Variants in NPAS3 observed in about 807,000 individuals in gnomAD.
NPAS3 encodes neuronal PAS domain protein 3.
NPAS3 carries 14 observed loss-of-function variants against 73.1 expected under a neutral mutation model. The ratio of observed to expected loss-of-function variants is 0.19; its 90% CI spans 0.13 to 0.30. NPAS3 has a LOEUF of 0.30. NPAS3 is among the 10% of genes least tolerant of loss of function. The probability of loss-of-function intolerance (pLI) is 1.00; values close to 1 mark genes in which losing one functional copy is unlikely to be tolerated. For synonymous variants in NPAS3, 620 were observed against 541.5 expected, an observed-to-expected ratio of 1.14 and a Z score of -2.01; for missense variants, 1,096 against 1,250.0, an observed-to-expected ratio of 0.88 and a Z score of 1.86.
rs561311005 is a variant in NPAS3 at position 33,774,229 on chromosome 14, A to T, written c.853-108A>T. ...CAGCCATTATGATTACAGAAGATAC[A>T]AGCTAATGTTGGTTGTTCCAGATGT... On this transcript the variant is annotated intron_variant, in intron 7 of 11. Coordinates refer to ENST00000356141, the Ensembl canonical transcript of NPAS3. 8.8e-5 allele frequency: 68 copies of T among 776,188 alleles called. No homozygotes were observed. The South Asian group carries it at 1.2e-3, about 14-fold the overall frequency. 48.1% of individuals were successfully genotyped at this position (776,188 alleles called of 1,614,324 possible). A position where few individuals can be genotyped will look rare whatever the true frequency, so the allele number is the denominator to read the frequency against.
intron 4 of NPAS3, among the ~76,000 whole-genome samples, chr14:33,412,262 G>T (rs370602832): frequency 6.6e-6 from 1 of 151,930 alleles, no homozygotes; most frequent in Admixed American, 6.6e-5. Flanking sequence ...GGGACTACAG[G>T]TGTGAACCAC....
At chr14:33,106,117 A>T (rs1456921049) in intron 2 of NPAS3, among the ~76,000 whole-genome samples, 1 of 152,148 alleles carries the variant, frequency 6.6e-6, no homozygotes, top group African/African-American at 2.4e-5. Context: ...AAAGCTCCAA[A>T]TTCTTAGGAA....
intron 4 of NPAS3, among the ~76,000 whole-genome samples, chr14:33,546,907 A>G (rs2054871752): frequency 6.6e-6 from 1 of 152,198 alleles, no homozygotes; most frequent in African/African-American, 2.4e-5. Context: ...CTTGTGGGTC[A>G]TGTCTGTGTG....
intron 3 of NPAS3, among the ~76,000 whole-genome samples, chr14:33,351,113 A>G (rs895258366): frequency 2.0e-5 from 3 of 152,228 alleles, no homozygotes; most frequent in Admixed American, 6.5e-5. Flanking sequence ...GTCAAAATGT[A>G]GTTTTAAAAA....
intron 3 of NPAS3, among the ~76,000 whole-genome samples, chr14:33,304,594 G>A (rs912940222): frequency 1.3e-5 from 2 of 151,382 alleles, no homozygotes; most frequent in African/African-American, 4.9e-5. Flanking sequence ...GTTTCCTTAG[G>A]GCTACATATG....
chr14:33,229,460 G>A (rs2047760569), intron 3 of NPAS3, among the ~76,000 whole-genome samples: 1 of 152,140 alleles, frequency 6.6e-6, no homozygotes, highest in African/African-American at 2.4e-5. Context: ...TGCTACTGAG[G>A]CAGGGCTCAG....
intron 1 of NPAS3, among the ~76,000 whole-genome samples, chr14:33,053,398 A>G (rs1018155040): frequency 6.6e-6 from 1 of 152,190 alleles, no homozygotes; most frequent in African/African-American, 2.4e-5. Context: ...ATGTATGTAA[A>G]TGCACTTAAG....
At chr14:33,464,309 AT>A (rs979238019) in intron 4 of NPAS3, among the ~76,000 whole-genome samples, 5 of 151,904 alleles carry the variant, frequency 3.3e-5, no homozygotes, top group Admixed American at 6.6e-5. Flanking sequence ...ATTGTTGTTA[AT>A]TTTTTTTATT....
intron 1 of NPAS3, among the ~76,000 whole-genome samples, chr14:33,013,541 C>T (rs1043283854): frequency 6.6e-6 from 1 of 152,092 alleles, no homozygotes; most frequent in Admixed American, 6.5e-5. Flanking sequence ...CCTCACTTCA[C>T]AGAAATATAA....
intron 2 of NPAS3, among the ~76,000 whole-genome samples, chr14:33,176,816 A>C (rs1958005): frequency 1.3e-5 from 2 of 151,836 alleles, no homozygotes; most frequent in South Asian, 4.1e-4. Context: ...TAGGAGTTGT[A>C]TTATTTTATA....
intron 1 of NPAS3, among the ~76,000 whole-genome samples, chr14:32,986,477 AC>A (rs1296732636): frequency 6.6e-6 from 1 of 151,948 alleles, no homozygotes; most frequent in Non-Finnish European, 1.5e-5. Flanking sequence ...AGAAAGGGAA[AC>A]CTCTGTGTGC....
chr14:33,162,918 A>G (rs990045084), intron 2 of NPAS3, among the ~76,000 whole-genome samples: 1 of 152,196 alleles, frequency 6.6e-6, no homozygotes, highest in Non-Finnish European at 1.5e-5. Flanking sequence ...ATCTTCTGTC[A>G]CTCAGAACTG....
At chr14:33,790,257 T>A (rs1477888913) in intron 9 of NPAS3, among the ~76,000 whole-genome samples, 1 of 152,236 alleles carries the variant, frequency 6.6e-6, no homozygotes, top group East Asian at 1.9e-4. Flanking sequence ...TTATTTTTGT[T>A]ATTCCCGCAA....
intron 1 of NPAS3, among the ~76,000 whole-genome samples, chr14:33,038,671 T>C (rs1055387514): frequency 6.6e-6 from 1 of 152,160 alleles, no homozygotes; most frequent in African/African-American, 2.4e-5. Context: ...ATATGTTGGG[T>C]ACGCACACTG....
chr14:33,725,201 C>T (rs2061230709), intron 6 of NPAS3, among the ~76,000 whole-genome samples: 1 of 152,048 alleles, frequency 6.6e-6, no homozygotes, highest in South Asian at 2.1e-4. Flanking sequence ...CAACATAGCA[C>T]ATGTATACTT....
At chr14:33,047,513 G>A (rs1197583311) in intron 1 of NPAS3, among the ~76,000 whole-genome samples, 1 of 152,020 alleles carries the variant, frequency 6.6e-6, no homozygotes, top group Non-Finnish European at 1.5e-5. Flanking sequence ...AATGAGCCTT[G>A]GACACATGTT....
chr14:33,449,294 A>G (rs1594930024), intron 4 of NPAS3, among the ~76,000 whole-genome samples: 2 of 152,286 alleles, frequency 1.3e-5, no homozygotes, highest in East Asian at 1.9e-4. Flanking sequence ...TCTTAGTACA[A>G]AAGTAAGTGG....
chr14:33,557,246 G>A (rs1415256812), intron 4 of NPAS3, among the ~76,000 whole-genome samples: 1 of 152,144 alleles, frequency 6.6e-6, no homozygotes, highest in Admixed American at 6.5e-5. Flanking sequence ...TTTGTCAAAG[G>A]TAAGGAGCCC....
At chr14:33,203,526 G>C (rs1387930142) in intron 2 of NPAS3, among the ~76,000 whole-genome samples, 2 of 151,976 alleles carry the variant, frequency 1.3e-5, no homozygotes, top group East Asian at 3.9e-4. Context: ...CTGTGTCCAA[G>C]TGTTCTCATT....
Sources: gnomAD v4.1 joint callset for allele counts (sites outside exome capture counted in the v4.1 genomes callset) on GRCh38, gnomAD v4.1.1 for gene constraint, MANE v1.5 for transcripts, NCBI Gene and HGNC (gene_info 2026-07-23, HGNC 2026-07-21) for gene names.